The following BMP6 variants were observed in gnomAD, a reference collection of about 807,000 sequenced individuals.
The protein encoded by BMP6 is bone morphogenetic protein 6.
In BMP6, 17 loss-of-function variants were observed where a neutral mutation model predicts 54.1. The observed-to-expected ratio is 0.31, with a 90% CI of 0.22 to 0.47. The LOEUF (loss-of-function observed/expected upper bound fraction) is 0.47. Among genes scored for constraint, BMP6 ranks in the 20% least tolerant of loss-of-function variants. BMP6 has a pLI of 1.00. For missense variants in BMP6, 720 were observed against 690.4 expected (o/e 1.04, Z -0.48); for synonymous variants, 328 against 291.2 (o/e 1.13, Z -1.28).
chr6:7,829,523 G>C (rs1384280809), intron 1 of BMP6, among the ~76,000 whole-genome samples: 1 of 152,136 alleles, frequency 6.6e-6, no homozygotes, highest in East Asian at 1.9e-4. Context: ...AGGCAATGTA[G>C]TGGGACCCCA....
chr6:7,864,010 GA>G (rs5874117), intron 4 of BMP6, among the ~76,000 whole-genome samples: 47,686 of 128,686 alleles, frequency 0.37, 8,867 homozygotes, highest in East Asian at 0.61. Context: ...AGACTCCATC[GA>G]AAAAAAAAAA....
chr6:7,876,736 T>C (rs1759624579), intron 4 of BMP6, among the ~76,000 whole-genome samples: 6 of 152,228 alleles, frequency 3.9e-5, no homozygotes, highest in Admixed American at 3.9e-4. Flanking sequence ...CTGATTTCAT[T>C]GTTATTTTCA....
At chr6:7,792,380 T>G (rs1371216751) in intron 1 of BMP6, among the ~76,000 whole-genome samples, 1 of 152,244 alleles carries the variant, frequency 6.6e-6, no homozygotes, top group Non-Finnish European at 1.5e-5. Context: ...CACGTAAAAC[T>G]GACCCTCACA....
chr6:7,764,245 TC>T (rs2113145749), intron 1 of BMP6, among the ~76,000 whole-genome samples: 1 of 152,308 alleles, frequency 6.6e-6, no homozygotes, highest in East Asian at 1.9e-4. Flanking sequence ...TCATCTGCTT[TC>T]CTCAAATTAA....
intron 1 of BMP6, among the ~76,000 whole-genome samples, chr6:7,748,393 A>G (rs2113125895): frequency 6.6e-6 from 1 of 152,294 alleles, no homozygotes; most frequent in South Asian, 2.1e-4. Context: ...CTGTCATACT[A>G]TTTCAGACAT....
Position 7,727,563 on chromosome 6 carries a change from C to A in BMP6, c.608C>A (p.Ala203Glu), listed in dbSNP as rs1761760400. Reference sequence around the variant, plus strand: ...GGCGGCGCGTCCCCACTGACCAGCGCGCAGGACAGCGCCTTCCTCAACGAC... The same window carrying A: ...GGCGGCGCGTCCCCACTGACCAGCGAGCAGGACAGCGCCTTCCTCAACGAC... The part of the protein sequence containing the change: ...GSGGASPLTS[A>E]QDSAFLNDAD... Residue 203 changes from alanine (A) to glutamate (E), a missense_variant, in exon 1 of 7, where the codon GCG becomes GAG. Ala to Glu is a moderately radical substitution (Grantham distance 107, BLOSUM62 -1). Transcript: ENST00000283147. 6.3e-7 allele frequency: 1 copy of A among 1,587,276 alleles called. No individual in the cohort carries two copies. Among genetic ancestry groups the A allele is most frequent in the African/African-American group, 1.3e-5 (1 of 74,200 alleles).
intron 1 of BMP6, among the ~76,000 whole-genome samples, chr6:7,812,333 C>T (rs1758447581): frequency 6.6e-6 from 1 of 152,142 alleles, no homozygotes; most frequent in Non-Finnish European, 1.5e-5. Context: ...TTGGCCTAGA[C>T]ACATTTGAAA....
chr6:7,783,334 A>T (rs1334329458), intron 1 of BMP6, among the ~76,000 whole-genome samples: 1 of 152,238 alleles, frequency 6.6e-6, no homozygotes, highest in East Asian at 1.9e-4. Flanking sequence ...GATAACATGT[A>T]AAGTTATCCG....
At chr6:7,814,122 C>G (rs1335273650) in intron 1 of BMP6, among the ~76,000 whole-genome samples, 1 of 152,210 alleles carries the variant, frequency 6.6e-6, no homozygotes, top group African/African-American at 2.4e-5. Context: ...TGCCTGGGAT[C>G]CCTCTGCCTC....
At chr6:7,874,042 C>G (rs1174950246) in intron 4 of BMP6, among the ~76,000 whole-genome samples, 1 of 152,086 alleles carries the variant, frequency 6.6e-6, no homozygotes, top group Non-Finnish European at 1.5e-5. Context: ...CCCAGGACAC[C>G]TTTAGGAGCG....
chr6:7,845,039 G>T, intron 1 of BMP6, 101 bp from the exon 2 acceptor site: 1 of 1,059,292 alleles, frequency 9.4e-7, no homozygotes, highest in Non-Finnish European at 1.4e-6. Flanking sequence ...GTGGGTAATT[G>T]GTAATCCACC....
intron 1 of BMP6, among the ~76,000 whole-genome samples, chr6:7,754,897 T>A (rs958100344): frequency 6.6e-6 from 1 of 152,156 alleles, no homozygotes; most frequent in Non-Finnish European, 1.5e-5. Flanking sequence ...TTTTTGTATT[T>A]TTAGTAGAGA....
intron 1 of BMP6, among the ~76,000 whole-genome samples, chr6:7,730,785 A>C (rs1363703100): frequency 6.6e-6 from 1 of 152,238 alleles, no homozygotes; most frequent in Non-Finnish European, 1.5e-5. Flanking sequence ...GTTAACTGCC[A>C]CATTACCTGA....
In BMP6 at chr6:7,845,271, A is replaced by C. The variant is rs746188874; in HGVS notation, c.796A>C (p.Ser266Arg). The change falls in exon 2 of 7, where the codon AGT becomes CGT. Residue 266 changes from serine to arginine, a missense_variant. Ser to Arg is a moderately radical substitution (Grantham distance 110, BLOSUM62 -1). This residue lies in a region of BMP6 where 650 missense variants were observed against 556.3 expected (regional missense o/e 1.17). Coordinates refer to ENST00000283147, the MANE Select transcript of BMP6 (RefSeq NM_001718.6). ...FRIYKDCVMG[S>R]FKNQTFLISI... ...CATCTACAAGGACTGTGTTATGGGG[A>C]GTTTTAAAAACCAAACTTTTCTTAT... 3 of 1,613,938 alleles carry C rather than the reference A, an allele frequency of 1.9e-6. No individual in the cohort carries two copies. In the African/African-American group the frequency reaches 4.0e-5, roughly 22 times the overall value.
At chr6:7,754,075 G>T (rs983476202) in intron 1 of BMP6, among the ~76,000 whole-genome samples, 1 of 151,876 alleles carries the variant, frequency 6.6e-6, no homozygotes, top group Non-Finnish European at 1.5e-5. Flanking sequence ...AATAAATGGC[G>T]GTTAGGTCAA....
chr6:7,733,794 C>T (rs889137255), intron 1 of BMP6, among the ~76,000 whole-genome samples: 3 of 152,184 alleles, frequency 2.0e-5, no homozygotes, highest in Admixed American at 6.5e-5. Context: ...ACGTGTGAGT[C>T]GGAAAACGGC....
At chr6:7,876,124 T>G (rs1759611797) in intron 4 of BMP6, among the ~76,000 whole-genome samples, 1 of 152,204 alleles carries the variant, frequency 6.6e-6, no homozygotes, top group African/African-American at 2.4e-5. Flanking sequence ...TGCCAAAAGC[T>G]GGGTAGCAAA....
At chr6:7,774,893 A>G (rs1252715462) in intron 1 of BMP6, among the ~76,000 whole-genome samples, 1 of 152,198 alleles carries the variant, frequency 6.6e-6, no homozygotes, top group Admixed American at 6.5e-5. Flanking sequence ...GCATGGCACC[A>G]TCATCTGTTT....
In BMP6 at chr6:7,726,316, G is replaced by A. The variant is rs1182848112; in HGVS notation, c.-640G>A. The stretch of plus-strand genomic sequence containing the variant: ...CGTGCGGCGCGCGGAGATTTTGAGT[G>A]GGAGCGACGGTGCCCGAGAGCTCAG... On this transcript the variant is annotated 5_prime_UTR_variant, in exon 1 of 7. Coordinates refer to ENST00000283147, the MANE Select transcript of BMP6 (RefSeq NM_001718.6). Among the ~76,000 whole-genome samples the A allele has an allele frequency of 6.6e-6, 1 of 152,216 alleles. No homozygotes were observed.
Sources: allele counts gnomAD v4.1 joint callset (sites outside exome capture counted in the v4.1 genomes callset), GRCh38; gene constraint gnomAD v4.1.1; regional missense constraint gnomAD v4.1.1; transcripts MANE v1.5; gene names NCBI Gene and HGNC (gene_info 2026-07-23, HGNC 2026-07-21).